The following HERC3 variants were observed in gnomAD, a reference collection of about 807,000 sequenced individuals.
HERC3 encodes the protein HECT and RLD domain containing E3 ubiquitin protein ligase 3, also known as probable E3 ubiquitin-protein ligase HERC3.
A neutral mutation model predicts 129.9 loss-of-function variants in HERC3; 58 were observed. The observed-to-expected ratio is 0.45, with a 90% CI of 0.36 to 0.56. HERC3 has a LOEUF of 0.56. HERC3 is among the 20% of genes least tolerant of loss of function. The pLI is 0.00. For synonymous variants in HERC3, 430 were observed against 451.0 expected (o/e 0.95, Z 0.59); for missense variants, 835 against 1,244.2 (o/e 0.67, Z 4.95).
chr4:88,539,610 C>T, the HERC3 span, among the ~76,000 whole-genome samples: 6 of 152,206 alleles, frequency 3.9e-5, no homozygotes, highest in African/African-American at 1.4e-4. Context: ...ACTGCCTCCT[C>T]AAGTGGGTCC....
At chr4:88,665,387 A>G (rs904059921) in intron 12 of HERC3, among the ~76,000 whole-genome samples, 10 of 152,184 alleles carry the variant, frequency 6.6e-5, no homozygotes, top group South Asian at 4.1e-4. Context: ...TGCTGGTGTA[A>G]GTATTGGAGT....
intron 23 of HERC3, chr4:88,697,127 T>C: frequency 7.2e-7 from 1 of 1,379,660 alleles, no homozygotes; most frequent in Non-Finnish European, 9.7e-7. Context: ...TGAGCCTTTT[T>C]AAGTCCATCG....
the HERC3 span, among the ~76,000 whole-genome samples, chr4:88,582,680 C>T: frequency 2.0e-5 from 3 of 152,138 alleles, no homozygotes; most frequent in African/African-American, 7.2e-5. Flanking sequence ...CTGGAGGCTG[C>T]TCTGGAACTT....
Position 88,708,487 on chromosome 4 carries a change from G to C in HERC3, c.*1527G>C, listed in dbSNP as rs1469033108. On this transcript the variant is annotated 3_prime_UTR_variant, in exon 26 of 26. Coordinates refer to ENST00000402738, the MANE Select transcript of HERC3 (RefSeq NM_014606.3). ...GTTATATGAAATGTTTATTTTCTAT[G>C]TGTGTGCATATAGTTCAATATTATG... The C allele has an allele frequency of 2.6e-5, 4 of 152,452 alleles. No individual in the cohort carries two copies. Among genetic ancestry groups the C allele is most frequent in the Non-Finnish European group, 5.9e-5 (4 of 68,028 alleles). The allele number at this position is 152,452 out of a possible 1,614,324, so 9.4% of individuals were successfully genotyped here. A position where few individuals can be genotyped will look rare whatever the true frequency, so the allele number is the denominator to read the frequency against.
At position 88,615,749 on chromosome 4, in the gene HERC3, C is replaced by T. The variant is rs1207357234; in HGVS notation, c.226+9700C>T. On this transcript the variant is annotated intron_variant, in intron 3 of 25. Coordinates refer to ENST00000402738, the MANE Select transcript of HERC3 (RefSeq NM_014606.3). ...GGAATAATGCTTGGCTTATAGTAAA[C>T]ACTCAATTAGTACTAGCTATTATTA... 2.0e-5 allele frequency among the ~76,000 whole-genome samples: 3 copies of T among 152,118 alleles called. No homozygotes were observed. In the East Asian group the frequency reaches 5.8e-4, roughly 29 times the overall value.
At chr4:88,699,568 AT>A (rs1735137526) in intron 23 of HERC3, among the ~76,000 whole-genome samples, 2 of 151,150 alleles carry the variant, frequency 1.3e-5, no homozygotes. Context: ...CATTTTACAG[AT>A]AGTAAACTTA....
chr4:88,621,395 C>A (rs532691924), intron 3 of HERC3, among the ~76,000 whole-genome samples: 1 of 152,138 alleles, frequency 6.6e-6, no homozygotes, highest in Non-Finnish European at 1.5e-5. Context: ...TGTGAGCCAC[C>A]GTGCCTGGCC....
chr4:88,638,868 G>C (rs1028733377), intron 3 of HERC3, among the ~76,000 whole-genome samples: 9 of 151,844 alleles, frequency 5.9e-5, no homozygotes, highest in African/African-American at 2.2e-4. Flanking sequence ...AAAATGCCTT[G>C]AGCCGATAAG....
At chr4:88,642,287 T>G (rs924748498) in intron 3 of HERC3, among the ~76,000 whole-genome samples, 1 of 152,230 alleles carries the variant, frequency 6.6e-6, no homozygotes, top group African/African-American at 2.4e-5. Context: ...AAGAAGAAAC[T>G]CACATGGTTA....
chr4:88,579,592 A>G, the HERC3 span, among the ~76,000 whole-genome samples: 1 of 152,192 alleles, frequency 6.6e-6, no homozygotes, highest in Admixed American at 6.5e-5. Flanking sequence ...AAACCAGTTT[A>G]GGAAATGTTG....
At chr4:88,598,708 G>A (rs1032304196) in intron 2 of HERC3, among the ~76,000 whole-genome samples, 48 of 152,310 alleles carry the variant, frequency 3.2e-4, no homozygotes, top group African/African-American at 1.1e-3. Context: ...GGAGCTTAAG[G>A]TGGGTAAACA....
At chr4:88,572,818 A>T in the HERC3 span, among the ~76,000 whole-genome samples, 15 of 144,026 alleles carry the variant, frequency 1.0e-4, no homozygotes, top group African/African-American at 4.0e-4. Context: ...AAAAAAAAAA[A>T]TAATAATAAT....
At chr4:88,602,957 G>A (rs748689944) in intron 2 of HERC3, among the ~76,000 whole-genome samples, 7 of 152,104 alleles carry the variant, frequency 4.6e-5, no homozygotes, top group Admixed American at 6.5e-5. Context: ...GGGCTCTGAG[G>A]GCTTATTTTC....
At chr4:88,654,171 T>A (rs923422451) in intron 7 of HERC3, 38 bp downstream of exon 7, 2 of 1,386,852 alleles carry the variant, frequency 1.4e-6, no homozygotes, top group African/African-American at 1.4e-5. Flanking sequence ...GTGCTGGGGA[T>A]ATGATGGGTG....
the HERC3 span, among the ~76,000 whole-genome samples, chr4:88,551,031 G>A: frequency 6.8e-6 from 1 of 146,834 alleles, no homozygotes; most frequent in African/African-American, 2.5e-5. Context: ...ACAAGCAATG[G>A]GGAAAGGATT....
intron 3 of HERC3, among the ~76,000 whole-genome samples, chr4:88,626,293 C>A (rs1370673331): frequency 6.6e-6 from 1 of 151,952 alleles, no homozygotes; most frequent in Admixed American, 6.6e-5. Flanking sequence ...GTGATCCTCC[C>A]ACCTCAACCT....
At chr4:88,697,633 G>A in intron 23 of HERC3, 1 of 1,613,646 alleles carries the variant, frequency 6.2e-7, no homozygotes, top group Non-Finnish European at 8.5e-7. Flanking sequence ...AGGGTCACCA[G>A]CCGCGCTGTC....
chr4:88,538,123 T>A, the HERC3 span, among the ~76,000 whole-genome samples: 3 of 152,230 alleles, frequency 2.0e-5, 1 homozygote, highest in Admixed American at 2.0e-4. Context: ...TCAATGGATA[T>A]TTACTTGTTT....
chr4:88,581,570 T>A, the HERC3 span, among the ~76,000 whole-genome samples: 1 of 151,872 alleles, frequency 6.6e-6, no homozygotes, highest in Non-Finnish European at 1.5e-5. Flanking sequence ...CCTCCTAAAG[T>A]ATTGGGATTA....
Sources: gnomAD v4.1 joint callset for allele counts (sites outside exome capture counted in the v4.1 genomes callset) on GRCh38, gnomAD v4.1.1 for gene constraint, MANE v1.5 for transcripts, NCBI Gene and HGNC (gene_info 2026-07-23, HGNC 2026-07-21) for gene names.